The following CFAP73 variants were observed in gnomAD, a reference collection of about 807,000 sequenced individuals.
CFAP73 encodes the protein cilia and flagella associated protein 73, also known as cilia- and flagella-associated protein 73.
In CFAP73, 33 loss-of-function variants were observed where a neutral mutation model predicts 42.9. That is an observed-to-expected ratio of 0.77 (90% CI 0.58 to 1.03). CFAP73 has a LOEUF of 1.03. CFAP73 is among the 50% of genes least tolerant of loss of function. CFAP73 has a pLI of 0.00. For synonymous variants in CFAP73, 162 were observed against 186.8 expected (o/e 0.87, Z 1.08); for missense variants, 392 against 411.9 (o/e 0.95, Z 0.42).
At position 113,159,064 on chromosome 12, in the gene CFAP73, C is replaced by T. The variant is rs143647024; in HGVS notation, c.*375C>T. On this transcript the variant is annotated 3_prime_UTR_variant, in exon 8 of 8. Transcript: ENST00000335621. ...CTGCTGCTTGGTCTTGAGTTCCGGG[C>T]GGACTCGGCCTGCAGGGGTGCCTGG... 7.0e-4 allele frequency: 1,120 copies of T among 1,608,744 alleles called. 2 individuals carry two copies. Among genetic ancestry groups the T allele is most frequent in the Non-Finnish European group, 8.9e-4 (1,043 of 1,178,142 alleles).
intron 7 of CFAP73, chr12:113,157,990 C>CT (rs901294380): frequency 7.2e-6 from 3 of 416,860 alleles, no homozygotes; most frequent in African/African-American, 5.9e-5. Flanking sequence ...AAAAAAAACT[C>CT]TTTGTCAGGT....
Position 113,157,604 on chromosome 12 carries a change from G to A in CFAP73, c.852G>A (p.Val284=), listed in dbSNP as rs1478345898. The change falls in exon 7 of 8, where the codon GTG becomes GTA. Residue 284 remains valine (V), a splice_region_variant and synonymous_variant. Coordinates refer to ENST00000335621, the MANE Select transcript of CFAP73 (RefSeq NM_001144872.3). ...GACTTCGTGCTGGGCCCCCCCAGGT[G>A]AAGCTGTTCATGCAGGACCTCTCTG... The part of the protein sequence containing the change: ...IEDTEGQLEH[V]KLFMQDLSAM... The A allele has an allele frequency of 6.4e-7, 1 of 1,551,686 alleles. No homozygotes were observed. Among genetic ancestry groups the A allele is most frequent in the South Asian group, 1.2e-5 (1 of 84,064 alleles).
chr12:113,151,869 C>T (rs1350888102), intron 1 of CFAP73, 49 bp from the exon 2 acceptor site: 15 of 1,303,550 alleles, frequency 1.2e-5, no homozygotes, highest in East Asian at 2.5e-5. Flanking sequence ...AGATGTGGGG[C>T]CCTGAAACAT....
intron 7 of CFAP73, chr12:113,157,931 C>A: frequency 1.8e-6 from 1 of 550,170 alleles, no homozygotes; most frequent in East Asian, 2.9e-5. Flanking sequence ...GCAACTGCCT[C>A]TAAAATGAGA....
intron 4 of CFAP73, among the ~76,000 whole-genome samples, chr12:113,153,959 C>T (rs923304911): frequency 6.6e-6 from 1 of 152,060 alleles, no homozygotes; most frequent in Non-Finnish European, 1.5e-5. Context: ...AACTGTCCAC[C>T]CCATTTTACA....
At chr12:113,153,923 C>T (rs1396589948) in intron 4 of CFAP73, among the ~76,000 whole-genome samples, 1 of 151,884 alleles carries the variant, frequency 6.6e-6, no homozygotes, top group Non-Finnish European at 1.5e-5. Flanking sequence ...TCCCCAAAGT[C>T]CAGTGAAGTA....
rs1187783931 is a variant in CFAP73 at position 113,159,199 on chromosome 12, CT to C, written c.*511del. On this transcript the variant is annotated 3_prime_UTR_variant, in exon 8 of 8. Coordinates refer to ENST00000335621, the MANE Select transcript of CFAP73 (RefSeq NM_001144872.3). ...AAGCTTGCAGACTCCTCCCCTGCCC[CT>C]ACTCCTGTTCTGTGCTTATTGCTGT... 7.3e-7 allele frequency: 1 copy of C among 1,363,684 alleles called. No homozygotes were observed. Among genetic ancestry groups the C allele is most frequent in the Non-Finnish European group, 9.9e-7 (1 of 1,006,270 alleles). 84.5% of individuals were successfully genotyped at this position (1,363,684 alleles called of 1,614,324 possible). A position where few individuals can be genotyped will look rare whatever the true frequency, so the allele number is the denominator to read the frequency against.
chr12:113,154,394 T>C lies in CFAP73; in HGVS notation c.469-20T>C. The C allele has an allele frequency of 5.2e-6, 8 of 1,548,254 alleles. No individual in the cohort carries two copies. The highest frequency in any genetic ancestry group is 7.0e-6 in the Non-Finnish European group (8 of 1,145,960). Reference sequence around the variant, plus strand: ...GGCACTGCAGGCCCATGTGAGTCCCTTCCCCGCCCCCGACTCTAGTTCCAA... The same window carrying C: ...GGCACTGCAGGCCCATGTGAGTCCCCTCCCCGCCCCCGACTCTAGTTCCAA... On this transcript the variant is annotated intron_variant, in intron 4 of 7. Coordinates refer to ENST00000335621, the MANE Select transcript of CFAP73 (RefSeq NM_001144872.3). This position sits in a 1 kb window ranked among gnomAD's most constrained non-coding sequence, Gnocchi z 4.7.
intron 2 of CFAP73, 133 bp from the exon 3 acceptor site, chr12:113,152,650 G>T: frequency 1.6e-6 from 1 of 640,848 alleles, no homozygotes; most frequent in Middle Eastern, 4.0e-4. Flanking sequence ...TGGGTGATGG[G>T]AGCCCCGGAT....
Position 113,152,771 on chromosome 12 carries a change from C to A in CFAP73, c.163-12C>A, listed in dbSNP as rs1851635847. On this transcript the variant is annotated splice_polypyrimidine_tract_variant and intron_variant, in intron 2 of 7. Transcript: ENST00000335621. ...CCCGAACCCACACAGACAACCCACT[C>A]CTCACCCCCAGGTGTTCCGCACCAA... The A allele has an allele frequency of 1.3e-6, 2 of 1,548,308 alleles. No individual in the cohort carries two copies. The highest frequency in any genetic ancestry group is 1.7e-6 in the Non-Finnish European group (2 of 1,143,974).
chr12:113,157,522 G>C, intron 6 of CFAP73, 80 bp from the exon 7 acceptor site: 1 of 1,172,176 alleles, frequency 8.5e-7, no homozygotes, highest in East Asian at 2.6e-5. Context: ...CCTACCTTTC[G>C]GCCTCCCCCG....
At chr12:113,153,508 C>G in intron 4 of CFAP73, 100 bp downstream of exon 4, 1 of 987,332 alleles carries the variant, frequency 1.0e-6, no homozygotes, top group South Asian at 2.1e-5. Context: ...CGCTGAACTA[C>G]TGGAGATCTT....
rs919532399 is a variant in CFAP73, at chr12:113,152,963, C to G, written c.267+76C>G. The G allele has an allele frequency of 3.4e-5, 35 of 1,019,646 alleles. No individual in the cohort carries two copies. In the East Asian group the frequency reaches 1.0e-3, roughly 30 times the overall value. 63.2% of individuals were successfully genotyped at this position (1,019,646 alleles called of 1,614,324 possible). On this transcript the variant is annotated intron_variant, in intron 3 of 7. Transcript: ENST00000335621. ...ACTCCTATAGGGGCCCGGCAGGTAA[C>G]AAAAATAAAAGAAGTGGTTTTCGTC...
rs1426404521 is a variant in CFAP73, at chr12:113,157,595, C to G, written c.850-7C>G. The G allele has an allele frequency of 1.3e-5, 20 of 1,551,572 alleles. No individual in the cohort carries two copies. The highest frequency in any genetic ancestry group is 1.7e-5 in the Non-Finnish European group (20 of 1,146,914). On this transcript the variant is annotated splice_region_variant and splice_polypyrimidine_tract_variant and intron_variant, in intron 6 of 7. Transcript: ENST00000335621. ...CTGGGATGTGACTTCGTGCTGGGCC[C>G]CCCCAGGTGAAGCTGTTCATGCAGG...
Position 113,154,667 on chromosome 12 carries a change from G to A in CFAP73, c.690+32G>A. On this transcript the variant is annotated intron_variant, in intron 5 of 7. Coordinates refer to ENST00000335621, the MANE Select transcript of CFAP73 (RefSeq NM_001144872.3). This position sits in a 1 kb window ranked among gnomAD's most constrained non-coding sequence, Gnocchi z 4.7. ...CCCGCCCTAGGTGGGGGGCGCTCCG[G>A]ACCCCAGGCTTCCACAGCCGGGCGG... 1 of 1,381,424 alleles carries A rather than the reference G, an allele frequency of 7.2e-7. No homozygotes were observed. Among genetic ancestry groups the A allele is most frequent in the East Asian group, 3.0e-5 (1 of 33,846 alleles). The allele number at this position is 1,381,424 out of a possible 1,614,324, so 85.6% of individuals were successfully genotyped here.
chr12:113,152,152 G>T, intron 2 of CFAP73, 129 bp downstream of exon 2: 1 of 657,872 alleles, frequency 1.5e-6, no homozygotes, highest in Non-Finnish European at 2.7e-6. Flanking sequence ...TCGTCAAATG[G>T]GGATCAAATG....
At chr12:113,155,239 A>G in intron 5 of CFAP73, 21 bp from the exon 6 acceptor site, 1 of 1,506,248 alleles carries the variant, frequency 6.6e-7, no homozygotes, top group Non-Finnish European at 9.0e-7. Context: ...CATAATTGGG[A>G]GTGGGGCGGG....
chr12:113,154,614 C>A lies in CFAP73; in HGVS notation c.669C>A (p.Ala223=). The change falls in exon 5 of 8, where the codon GCC becomes GCA. Residue 223 remains alanine, a synonymous_variant. Transcript: ENST00000335621. The surrounding 1 kb of genome is among the most constrained non-coding windows in gnomAD (Gnocchi z 4.7). ...RAQLQERLEA[A]RERTLQWESK... is the part of the protein sequence containing the mutation. ...AGCTGCAGGAGCGCCTGGAGGCTGC[C>A]AGGGAGCGTACGCTGCAGTGGGTAC... The A allele has an allele frequency of 4.2e-6, 6 of 1,413,206 alleles. No homozygotes were observed. The highest frequency in any genetic ancestry group is 5.5e-6 in the Non-Finnish European group (6 of 1,095,026). The allele number at this position is 1,413,206 out of a possible 1,614,324, so 87.5% of individuals were successfully genotyped here. A position where few individuals can be genotyped will look rare whatever the true frequency, so the allele number is the denominator to read the frequency against.
intron 3 of CFAP73, 131 bp downstream of exon 3, chr12:113,153,018 C>G: frequency 1.2e-6 from 1 of 811,822 alleles, no homozygotes; most frequent in South Asian, 1.8e-5. Flanking sequence ...GAAACACACA[C>G]GCACTGCCTG....
Sources: gnomAD v4.1 joint callset for allele counts (sites outside exome capture counted in the v4.1 genomes callset) on GRCh38, gnomAD v4.1.1 for gene constraint, Gnocchi (gnomAD v3.1) non-coding constraint, MANE v1.5 for transcripts, NCBI Gene and HGNC (gene_info 2026-07-23, HGNC 2026-07-21) for gene names.